Variants in HPSE2 observed in about 807,000 individuals in gnomAD.
HPSE2 encodes heparanase 2 (inactive).
A neutral mutation model predicts 60.5 loss-of-function variants in HPSE2; 38 were observed. The observed-to-expected ratio is 0.63, with a 90% confidence interval of 0.48 to 0.82. The LOEUF is 0.82. HPSE2 is among the 40% of genes least tolerant of loss of function. The pLI, the probability that HPSE2 is intolerant of heterozygous loss-of-function variation, is 0.00. For missense variants in HPSE2, 713 were observed against 740.4 expected, an observed-to-expected ratio of 0.96 and a Z score of 0.43; for synonymous variants, 295 against 293.2, an observed-to-expected ratio of 1.01 and a Z score of -0.06.
intron 3 of HPSE2, among the ~76,000 whole-genome samples, chr10:98,756,642 A>C (rs912756013): frequency 2.6e-5 from 4 of 152,188 alleles, no homozygotes; most frequent in East Asian, 1.9e-4. Flanking sequence ...AACCCTGAAC[A>C]GACCAATAAC....
chr10:98,609,286 G>A lies in HPSE2; in HGVS notation c.1320+5618C>T, dbSNP rs117984916. ...TATCTCTACTGTAAGCTCCTTGAGG[G>A]CAGGACAGTATCTCTAGTGTCTAGC... On this transcript the variant is annotated intron_variant, in intron 9 of 11. Coordinates refer to ENST00000370552, the MANE Select transcript of HPSE2 (RefSeq NM_021828.5). Among the ~76,000 whole-genome samples, 66 of 152,304 alleles carry A rather than the reference G, an allele frequency of 4.3e-4. No homozygotes were observed. The East Asian group carries it at 0.012, about 28-fold the overall frequency.
chr10:98,744,081 G>A, intron 3 of HPSE2, 25 bp from the exon 4 acceptor site: 1 of 1,608,296 alleles, frequency 6.2e-7, no homozygotes, highest in Non-Finnish European at 8.5e-7. Context: ...AGAAAGGCTT[G>A]TAACTTTCAA....
At chr10:98,545,466 G>A (rs1205792053) in intron 9 of HPSE2, among the ~76,000 whole-genome samples, 1 of 152,112 alleles carries the variant, frequency 6.6e-6, no homozygotes, top group Non-Finnish European at 1.5e-5. Flanking sequence ...ATGATCAAGT[G>A]GGCTTCATCC....
At chr10:98,911,450 G>T (rs1376029911) in intron 3 of HPSE2, among the ~76,000 whole-genome samples, 1 of 152,160 alleles carries the variant, frequency 6.6e-6, no homozygotes, top group African/African-American at 2.4e-5. Context: ...CACTGGAGCT[G>T]GGTGTAGGAA....
At chr10:99,170,915 T>G (rs989024912) in intron 2 of HPSE2, among the ~76,000 whole-genome samples, 1 of 152,222 alleles carries the variant, frequency 6.6e-6, no homozygotes, top group African/African-American at 2.4e-5. Context: ...TAAACAATAG[T>G]GTAACAAATA....
chr10:98,797,838 C>T (rs76705828), intron 3 of HPSE2, among the ~76,000 whole-genome samples: 2,205 of 151,164 alleles, frequency 0.015, 55 homozygotes, highest in African/African-American at 0.046. Flanking sequence ...AGTGAGACTC[C>T]GCCTCAAAAA....
intron 6 of HPSE2, among the ~76,000 whole-genome samples, chr10:98,648,258 G>T (rs1009395259): frequency 1.2e-4 from 18 of 152,160 alleles, no homozygotes; most frequent in African/African-American, 3.9e-4. Flanking sequence ...AAATCATCTT[G>T]ATCCTAGCGG....
At chr10:99,066,962 G>C (rs1842637358) in intron 3 of HPSE2, among the ~76,000 whole-genome samples, 1 of 152,152 alleles carries the variant, frequency 6.6e-6, no homozygotes, top group Non-Finnish European at 1.5e-5. Flanking sequence ...TTACTTCCTA[G>C]ATACAATGAG....
At chr10:98,594,743 T>C (rs943090453) in intron 9 of HPSE2, among the ~76,000 whole-genome samples, 1 of 152,178 alleles carries the variant, frequency 6.6e-6, no homozygotes, top group East Asian at 1.9e-4. Flanking sequence ...TTGGCTATTG[T>C]AAGTAATGCT....
At chr10:99,059,403 C>T (rs2135519204) in intron 3 of HPSE2, among the ~76,000 whole-genome samples, 1 of 152,252 alleles carries the variant, frequency 6.6e-6, no homozygotes, top group South Asian at 2.1e-4. Flanking sequence ...TTCTTCACTA[C>T]TTTCAAACTT....
intron 2 of HPSE2, among the ~76,000 whole-genome samples, chr10:99,190,829 C>T (rs1419619952): frequency 1.3e-5 from 2 of 152,192 alleles, no homozygotes; most frequent in Non-Finnish European, 2.9e-5. Flanking sequence ...CCTGGGAGTC[C>T]CCAGCTCTAG....
At chr10:98,864,599 C>A (rs2134795438) in intron 3 of HPSE2, among the ~76,000 whole-genome samples, 1 of 152,262 alleles carries the variant, frequency 6.6e-6, no homozygotes, top group East Asian at 1.9e-4. Flanking sequence ...CTCATTAAGT[C>A]CACACAAGGA....
intron 9 of HPSE2, among the ~76,000 whole-genome samples, chr10:98,551,693 T>C (rs12219674): frequency 0.054 from 8,281 of 152,282 alleles, 287 homozygotes; most frequent in Middle Eastern, 0.13. Context: ...CTTGGTTGCC[T>C]AGCTTTTTAA....
rs190589815 is a variant in HPSE2, at chr10:98,706,529, C to T, written c.957-12582G>A. Among the ~76,000 whole-genome samples the T allele has an allele frequency of 3.1e-3, 469 of 152,162 alleles. 1 individual carries two copies. The highest frequency in any genetic ancestry group is 5.6e-3 in the Non-Finnish European group (380 of 68,008). ...TGCTGTAACAGATTATTAGTTTGTA[C>T]CAGTAGTACAGTAAGAGGACCTCAG... On this transcript the variant is annotated intron_variant, in intron 5 of 11. Coordinates refer to ENST00000370552, the MANE Select transcript of HPSE2 (RefSeq NM_021828.5).
chr10:98,976,727 G>A (rs1030176047), intron 3 of HPSE2, among the ~76,000 whole-genome samples: 13 of 145,638 alleles, frequency 8.9e-5, no homozygotes, highest in African/African-American at 1.9e-4. Flanking sequence ...GTTGCTATCC[G>A]TGGTAAGCGA....
intron 3 of HPSE2, among the ~76,000 whole-genome samples, chr10:98,764,529 C>T (rs762488744): frequency 5.9e-5 from 9 of 151,986 alleles, no homozygotes; most frequent in Non-Finnish European, 1.2e-4. Context: ...GACAAGAAAC[C>T]CACTTAAAAT....
intron 2 of HPSE2, among the ~76,000 whole-genome samples, chr10:99,193,700 T>C (rs1453206976): frequency 6.6e-6 from 1 of 152,066 alleles, no homozygotes; most frequent in African/African-American, 2.4e-5. Context: ...AAGGTCATCA[T>C]ATAAGAATAA....
intron 9 of HPSE2, among the ~76,000 whole-genome samples, chr10:98,492,941 G>A (rs1941707366): frequency 6.6e-6 from 1 of 152,106 alleles, no homozygotes; most frequent in Admixed American, 6.5e-5. Flanking sequence ...TTGTCATCTT[G>A]TAAAACTGAA....
At position 99,232,498 on chromosome 10, in the gene HPSE2, G is replaced by A. The variant is rs1376142625; in HGVS notation, c.298C>T (p.Arg100Cys). ...AGTCCCCGGGCCAGGGTCACCAAGC[G>A]CTTGGAGCTGCAGAGGAAGAGAATA... The part of the protein sequence containing the change: ...DGWLDFLSSK[R>C]LVTLARGLSP... The change falls in exon 2 of 12, where the codon CGC (arginine) becomes TGC (cysteine). Residue 100 changes from arginine (R) to cysteine (C), a missense_variant. Physicochemically the swap from Arg to Cys is radical, Grantham distance 180. Transcript: ENST00000370552. 1 of 1,553,880 alleles carries A rather than the reference G, an allele frequency of 6.4e-7. No homozygotes were observed. The highest frequency in any genetic ancestry group is 1.2e-5 in the South Asian group (1 of 84,236).
Sources: allele counts gnomAD v4.1 joint callset (sites outside exome capture counted in the v4.1 genomes callset), GRCh38; gene constraint gnomAD v4.1.1; transcripts MANE v1.5; gene names NCBI Gene and HGNC (gene_info 2026-07-23, HGNC 2026-07-21).